Variants in GRM7 observed in about 807,000 individuals in gnomAD.
The protein encoded by GRM7 is metabotropic glutamate receptor 7.
A neutral mutation model predicts 84.5 loss-of-function variants in GRM7; 35 were observed. The observed-to-expected ratio is 0.41, with a 90% CI of 0.32 to 0.55. The LOEUF is 0.55. Among genes scored for constraint, GRM7 ranks in the 20% least tolerant of loss-of-function variants. The pLI is 0.19. For synonymous variants in GRM7, 487 were observed against 455.1 expected, an observed-to-expected ratio of 1.07 and a Z score of -0.89; for missense variants, 1,003 against 1,194.6, an observed-to-expected ratio of 0.84 and a Z score of 2.36.
intron 7 of GRM7, among the ~76,000 whole-genome samples, chr3:7,503,275 C>T (rs1459253225): frequency 6.6e-6 from 1 of 151,988 alleles, no homozygotes; most frequent in African/African-American, 2.4e-5. Context: ...CTTTGTTTTC[C>T]TCTGTCATAT....
intron 2 of GRM7, among the ~76,000 whole-genome samples, chr3:7,167,135 A>C (rs909848958): frequency 2.0e-5 from 3 of 152,342 alleles, no homozygotes; most frequent in African/African-American, 7.2e-5. Flanking sequence ...GTTTCCAATC[A>C]ATCAAATATT....
In GRM7 at chr3:6,861,488, G is replaced by T. The variant is rs1442070924; in HGVS notation, c.100G>T (p.Gly34Cys). ...GTGCGCGCTGGCGGCGGCGGCGCGCGGCCAGGAGATGTACGCCCCGCACTC... is the reference window on the plus strand; with the variant it reads ...GTGCGCGCTGGCGGCGGCGGCGCGCTGCCAGGAGATGTACGCCCCGCACTC... ...LLCALAAAAR[G>C]QEMYAPHSIR... The change falls in exon 1 of 10, where the codon GGC (glycine) becomes TGC (cysteine). Residue 34 changes from glycine (G) to cysteine (C), a missense_variant. Around this residue, in one of 2 missense-constraint regions of GRM7, gnomAD observed 93 missense variants for 68.6 expected, o/e 1.36. Transcript: ENST00000357716. The surrounding 1 kb of genome is among the most constrained non-coding windows in gnomAD (Gnocchi z 6.4). The T allele has an allele frequency of 6.3e-7, 1 of 1,579,640 alleles. No homozygotes were observed. Among genetic ancestry groups the T allele is most frequent in the South Asian group, 1.2e-5 (1 of 86,058 alleles).
intron 8 of GRM7, among the ~76,000 whole-genome samples, chr3:7,604,135 TA>T (rs34089815): frequency 0.41 from 60,397 of 146,322 alleles, 12,332 homozygotes; most frequent in Non-Finnish European, 0.46. Flanking sequence ...GGTTTGTTCT[TA>T]AAAAAAAAAA....
chr3:7,087,297 A>G (rs758460162), intron 1 of GRM7, among the ~76,000 whole-genome samples: 4 of 152,170 alleles, frequency 2.6e-5, no homozygotes, highest in Non-Finnish European at 5.9e-5. Flanking sequence ...ATTACATTAT[A>G]GTACTTAAAG....
At chr3:7,372,689 G>A (rs993442142) in intron 4 of GRM7, among the ~76,000 whole-genome samples, 9 of 152,070 alleles carry the variant, frequency 5.9e-5, no homozygotes, top group Non-Finnish European at 7.4e-5. Context: ...GTATCAGATC[G>A]ATACTTGTCA....
At chr3:7,491,544 A>C (rs1199179710) in intron 7 of GRM7, among the ~76,000 whole-genome samples, 3 of 152,204 alleles carry the variant, frequency 2.0e-5, no homozygotes, top group African/African-American at 7.2e-5. Flanking sequence ...CCAGGAAGGA[A>C]GCCATGGGAC....
chr3:6,910,520 T>C (rs1172439625), intron 1 of GRM7, among the ~76,000 whole-genome samples: 1 of 152,140 alleles, frequency 6.6e-6, no homozygotes, highest in Non-Finnish European at 1.5e-5. Flanking sequence ...GGAGGACATA[T>C]AGCCTTTTGG....
chr3:7,464,060 T>A (rs1217209670), intron 7 of GRM7, among the ~76,000 whole-genome samples: 1 of 152,198 alleles, frequency 6.6e-6, no homozygotes, highest in Non-Finnish European at 1.5e-5. Flanking sequence ...CAGAGCCATC[T>A]GGAGGGCTTG....
In GRM7 at chr3:7,628,791, G is replaced by T. The variant is rs1320414135; in HGVS notation, c.2451+49434G>T. ...AGTGAGCTCCCAGCACTTGGCCCAG[G>T]TCTCAGCAGCCATATTGGTATTTGA... is the stretch of plus-strand genomic sequence containing the variant. On this transcript the variant is annotated intron_variant, in intron 8 of 9. Coordinates refer to ENST00000357716, the MANE Select transcript of GRM7 (RefSeq NM_000844.4). Among the ~76,000 whole-genome samples, 3 of 152,104 alleles carry T rather than the reference G, an allele frequency of 2.0e-5. No homozygotes were observed. The East Asian group carries it at 5.8e-4, about 29-fold the overall frequency.
intron 7 of GRM7, among the ~76,000 whole-genome samples, chr3:7,463,644 G>A (rs1454714865): frequency 6.6e-6 from 1 of 152,064 alleles, no homozygotes; most frequent in African/African-American, 2.4e-5. Flanking sequence ...GGATAATGGA[G>A]GTAGAAAAGG....
At chr3:7,582,710 T>C (rs1312408951) in intron 8 of GRM7, among the ~76,000 whole-genome samples, 3 of 152,056 alleles carry the variant, frequency 2.0e-5, no homozygotes, top group African/African-American at 7.2e-5. Context: ...GAGCCTTCGG[T>C]CACTAAATGA....
intron 1 of GRM7, among the ~76,000 whole-genome samples, chr3:7,123,341 A>G (rs1468615356): frequency 1.3e-5 from 2 of 152,170 alleles, no homozygotes; most frequent in African/African-American, 2.4e-5. Context: ...AAGTGGGGCC[A>G]GGCATGGTGG....
intron 1 of GRM7, among the ~76,000 whole-genome samples, chr3:7,103,288 T>C (rs1158175419): frequency 2.0e-5 from 3 of 151,792 alleles, no homozygotes; most frequent in Non-Finnish European, 4.4e-5. Flanking sequence ...GAGTGAGACC[T>C]TAGTATTTGT....
intron 1 of GRM7, among the ~76,000 whole-genome samples, chr3:6,945,883 A>G (rs929880243): frequency 2.0e-5 from 3 of 152,130 alleles, no homozygotes; most frequent in East Asian, 1.9e-4. Context: ...GTCTGTTCAT[A>G]TCCTTCACCC....
At chr3:7,168,045 G>A (rs2125085609) in intron 2 of GRM7, among the ~76,000 whole-genome samples, 1 of 133,758 alleles carries the variant, frequency 7.5e-6, no homozygotes, top group African/African-American at 2.7e-5. Flanking sequence ...CCCAATTAAA[G>A]TCTGAGACTC....
chr3:7,171,211 C>T (rs554188620), intron 2 of GRM7, among the ~76,000 whole-genome samples: 1 of 152,210 alleles, frequency 6.6e-6, no homozygotes, highest in South Asian at 2.1e-4. Context: ...AGGCCTCTCT[C>T]CTTAGCTTGT....
intron 2 of GRM7, among the ~76,000 whole-genome samples, chr3:7,209,822 C>T (rs569172208): frequency 7.2e-5 from 11 of 151,968 alleles, no homozygotes; most frequent in Non-Finnish European, 1.3e-4. Context: ...GTAGAGAAGG[C>T]CTTAAAGGGT....
intron 5 of GRM7, among the ~76,000 whole-genome samples, chr3:7,428,933 T>A (rs749266598): frequency 1.3e-5 from 2 of 152,236 alleles, no homozygotes; most frequent in Non-Finnish European, 2.9e-5. Flanking sequence ...TTATGAAGTT[T>A]GCAGGTATGT....
intron 8 of GRM7, among the ~76,000 whole-genome samples, chr3:7,603,369 G>T (rs918138523): frequency 6.6e-6 from 1 of 152,118 alleles, no homozygotes. Flanking sequence ...TTTATTGAAA[G>T]AAGTTGTTGC....
Sources: allele counts gnomAD v4.1 joint callset (sites outside exome capture counted in the v4.1 genomes callset), GRCh38; gene constraint gnomAD v4.1.1; regional missense constraint gnomAD v4.1.1; non-coding constraint Gnocchi (gnomAD v3.1); transcripts MANE v1.5; gene names NCBI Gene and HGNC (gene_info 2026-07-23, HGNC 2026-07-21).